FLRT1: variants seen among roughly 807,000 people sequenced by gnomAD.
FLRT1 encodes fibronectin leucine rich transmembrane protein 1, also known as leucine-rich repeat transmembrane protein FLRT1.
FLRT1 carries 14 observed loss-of-function variants against 30.9 expected under a neutral mutation model. The observed-to-expected ratio is 0.45, with a 90% confidence interval of 0.30 to 0.71. FLRT1 has a LOEUF of 0.71. Ranked by LOEUF, FLRT1 falls within the 30% of genes least tolerant of loss-of-function variation. The pLI is 0.08. For synonymous variants in FLRT1, 368 were observed against 430.4 expected (o/e 0.85, Z 1.80); for missense variants, 737 against 949.2 (o/e 0.78, Z 2.94).
chr11:64,049,646 G>A (rs527710436), intron 1 of FLRT1, among the ~76,000 whole-genome samples: 4 of 152,350 alleles, frequency 2.6e-5, no homozygotes, highest in African/African-American at 9.6e-5. Flanking sequence ...GGTGCCTGCT[G>A]AAGGGGGTGG....
intron 1 of FLRT1, among the ~76,000 whole-genome samples, chr11:64,053,265 C>G (rs921084493): frequency 6.6e-6 from 1 of 152,132 alleles, no homozygotes; most frequent in Non-Finnish European, 1.5e-5. Flanking sequence ...ACACCTTGGG[C>G]CTCGTTAGGA....
rs913456934 is a variant in FLRT1 at position 64,096,957 on chromosome 11, G to A, written c.-1037-6237G>A. Among the ~76,000 whole-genome samples, 3 of 152,228 alleles carry A rather than the reference G, an allele frequency of 2.0e-5. No homozygotes were observed. Among genetic ancestry groups the A allele is most frequent in the Non-Finnish European group, 2.9e-5 (2 of 68,034 alleles). ...TCCCCCGCTCACCCACTCTCTCAGC[G>A]TCTGGGCCCGGGAGTTCCTGCCTAC... On this transcript the variant is annotated intron_variant, in intron 1 of 2. Coordinates refer to ENST00000682287, the MANE Select transcript of FLRT1 (RefSeq NM_013280.5). The surrounding 1 kb of genome is among the most constrained non-coding windows in gnomAD (Gnocchi z 4.6).
rs981072697 is a variant in FLRT1, at chr11:64,118,969, CTTCAG to C, written c.*681_*685del. 2 of 166,980 alleles carry C rather than the reference CTTCAG, an allele frequency of 1.2e-5. No individual in the cohort carries two copies. The highest frequency in any genetic ancestry group is 2.9e-5 in the Non-Finnish European group (2 of 68,088). 10.3% of individuals were successfully genotyped at this position (166,980 alleles called of 1,614,324 possible). On this transcript the variant is annotated 3_prime_UTR_variant, in exon 3 of 3. Transcript: ENST00000682287. ...CTTTTTTTTCCTAGGCTGAAGCCCTCTTCAGTTCCATGCACCACGCTCCGTAGAAG... is the reference window on the plus strand; with the variant it reads ...CTTTTTTTTCCTAGGCTGAAGCCCTCTTCCATGCACCACGCTCCGTAGAAG...
chr11:64,089,744 C>A (rs572087408), intron 1 of FLRT1, among the ~76,000 whole-genome samples: 1 of 152,106 alleles, frequency 6.6e-6, no homozygotes, highest in Admixed American at 6.5e-5. Flanking sequence ...ACAGTGCCAT[C>A]GGGGAAGCTG....
At chr11:64,052,306 G>A (rs1332412352) in intron 1 of FLRT1, among the ~76,000 whole-genome samples, 1 of 152,174 alleles carries the variant, frequency 6.6e-6, no homozygotes, top group Non-Finnish European at 1.5e-5. Flanking sequence ...AATGTGAGAA[G>A]TTGTGAGAAT....
rs118097187 is a variant in FLRT1, at chr11:64,090,133, C to T, written c.-1037-13061C>T. Among the ~76,000 whole-genome samples, 687 of 152,210 alleles carry T rather than the reference C, an allele frequency of 4.5e-3. 3 individuals are homozygous for T. The highest frequency in any genetic ancestry group is 7.3e-3 in the Non-Finnish European group (493 of 67,990). ...GGGGAAGATATGCACCCTCTCCCCA[C>T]GGGGCTAGGGACTCATCTCTGCCTG... is the stretch of plus-strand genomic sequence containing the variant. On this transcript the variant is annotated intron_variant, in intron 1 of 2. Transcript: ENST00000682287. This position sits in a 1 kb window ranked among gnomAD's most constrained non-coding sequence, Gnocchi z 4.7.
chr11:64,077,777 A>G (rs1944229968), intron 1 of FLRT1, among the ~76,000 whole-genome samples: 1 of 152,214 alleles, frequency 6.6e-6, no homozygotes, highest in Admixed American at 6.5e-5. Context: ...CCGTGGCTGG[A>G]CTGGGCCCTG....
Position 64,118,082 on chromosome 11 carries a change from C to A in FLRT1, c.1815C>A (p.Thr605=). 1 of 1,612,182 alleles carries A rather than the reference C, an allele frequency of 6.2e-7. No homozygotes were observed. Among genetic ancestry groups the A allele is most frequent in the Non-Finnish European group, 8.5e-7 (1 of 1,178,750 alleles). The change falls in exon 3 of 3, where the codon ACC becomes ACA. Residue 605 remains threonine (T), a synonymous_variant. Coordinates refer to ENST00000682287, the MANE Select transcript of FLRT1 (RefSeq NM_013280.5). ...RKKDDYMESG[T]KKDNSILEIR... ...AGGATGACTATATGGAGTCAGGGAC[C>A]AAGAAGGATAACTCCATCCTGGAAA... is the stretch of plus-strand genomic sequence containing the variant.
chr11:64,114,928 C>T (rs1441318149), intron 2 of FLRT1, among the ~76,000 whole-genome samples: 2 of 152,140 alleles, frequency 1.3e-5, no homozygotes, highest in Non-Finnish European at 1.5e-5. Context: ...AAAAGCAGCT[C>T]AGGAATAGAG....
Position 64,117,416 on chromosome 11 carries a change from G to A in FLRT1, c.1149G>A (p.Pro383=), listed in dbSNP as rs753834109. The A allele has an allele frequency of 7.4e-6, 12 of 1,612,050 alleles. No homozygotes were observed. The highest frequency in any genetic ancestry group is 1.6e-4 in the Middle Eastern group (1 of 6,076). Residue 383 remains proline, a synonymous_variant, in exon 3 of 3, where the codon CCG becomes CCA. Coordinates refer to ENST00000682287, the MANE Select transcript of FLRT1 (RefSeq NM_013280.5). ...TGGACGAGTGTTTTGAGACGGGGCC[G>A]CAGGGCGGCGTGGCCAATGCGGCTG... ...SEMDECFETG[P]QGGVANAAAK...
intron 1 of FLRT1, among the ~76,000 whole-genome samples, chr11:64,048,573 A>G (rs538257312): frequency 9.8e-4 from 150 of 152,310 alleles, no homozygotes; most frequent in African/African-American, 3.2e-3. Context: ...AGGATGGTTA[A>G]TAACAGTCAT....
intron 1 of FLRT1, among the ~76,000 whole-genome samples, chr11:64,045,133 C>T (rs1169054938): frequency 2.6e-5 from 4 of 151,624 alleles, no homozygotes; most frequent in South Asian, 4.2e-4. Context: ...CTGCCTCGGC[C>T]GAGTGCTTTT....
intron 1 of FLRT1, among the ~76,000 whole-genome samples, chr11:64,065,035 T>C (rs1240628823): frequency 1.3e-5 from 2 of 152,028 alleles, no homozygotes. Context: ...GCTAGGGACA[T>C]GAGCAGGGGT....
chr11:64,080,735 A>G (rs1390485934), intron 1 of FLRT1, among the ~76,000 whole-genome samples: 1 of 152,190 alleles, frequency 6.6e-6, no homozygotes, highest in Non-Finnish European at 1.5e-5. Context: ...CAGAGGGGAC[A>G]GGCCCCCGGC....
chr11:64,095,645 G>T (rs1026713457), intron 1 of FLRT1, among the ~76,000 whole-genome samples: 3 of 152,230 alleles, frequency 2.0e-5, no homozygotes, highest in African/African-American at 7.2e-5. Context: ...TGAGTAACTC[G>T]GATGATGGCA....
intron 1 of FLRT1, among the ~76,000 whole-genome samples, chr11:64,079,593 G>C (rs1435650946): frequency 6.6e-6 from 1 of 152,182 alleles, no homozygotes; most frequent in Admixed American, 6.5e-5. Context: ...GGTCCTGGGC[G>C]TGGGGTGGGA....
At chr11:64,088,403 G>A (rs555623414) in intron 1 of FLRT1, among the ~76,000 whole-genome samples, 1 of 152,296 alleles carries the variant, frequency 6.6e-6, no homozygotes, top group South Asian at 2.1e-4. Context: ...CTCACCTGTG[G>A]AAGGCCGGCA....
At chr11:64,101,467 G>A (rs1944669319) in intron 1 of FLRT1, among the ~76,000 whole-genome samples, 1 of 152,020 alleles carries the variant, frequency 6.6e-6, no homozygotes, top group Non-Finnish European at 1.5e-5. Context: ...CAGCTGACTG[G>A]AGCCTCTGGG....
At chr11:64,085,928 AG>A (rs2134506188) in intron 1 of FLRT1, among the ~76,000 whole-genome samples, 1 of 147,576 alleles carries the variant, frequency 6.8e-6, no homozygotes, top group South Asian at 2.1e-4. Context: ...ACAGAAGGGG[AG>A]GCTCAGGTGC....
Sources: allele counts gnomAD v4.1 joint callset (sites outside exome capture counted in the v4.1 genomes callset), GRCh38; gene constraint gnomAD v4.1.1; non-coding constraint Gnocchi (gnomAD v3.1); transcripts MANE v1.5; gene names NCBI Gene and HGNC (gene_info 2026-07-23, HGNC 2026-07-21).